PLG: variants seen among roughly 807,000 people sequenced by gnomAD.
PLG encodes plasminogen, also known as plasmin.
Under a neutral mutation model 104.4 loss-of-function variants are expected in PLG, and 41 were observed. That is an observed-to-expected ratio of 0.39 (90% CI 0.31 to 0.51). The LOEUF (loss-of-function observed/expected upper bound fraction) is 0.51, where lower values mean the gene tolerates loss of function less well. PLG is among the 20% of genes least tolerant of loss of function. PLG has a pLI of 0.76. For synonymous variants in PLG, 337 were observed against 357.1 expected (o/e 0.94, Z 0.63); for missense variants, 891 against 1,003.6 (o/e 0.89, Z 1.52).
At chr6:160,729,582 G>A (rs2115172260) in intron 10 of PLG, among the ~76,000 whole-genome samples, 1 of 152,302 alleles carries the variant, frequency 6.6e-6, no homozygotes, top group South Asian at 2.1e-4. Flanking sequence ...CTCTCAAATA[G>A]GATGGATGGA....
chr6:160,752,692 A>AC lies in PLG; in HGVS notation c.2272-202dup, dbSNP rs1196265561. Among the ~76,000 whole-genome samples, 3 of 152,046 alleles carry AC rather than the reference A, an allele frequency of 2.0e-5. No individual in the cohort carries two copies. Among genetic ancestry groups the AC allele is most frequent in the Non-Finnish European group, 2.9e-5 (2 of 67,994 alleles). ...GCAGGATTCACAAAAGATCTTTTCT[A>AC]CCCCCCGGAAAAACTAAGTGGTGTG... On this transcript the variant is annotated intron_variant, in intron 18 of 18. Transcript: ENST00000308192. This position sits in a 1 kb window ranked among gnomAD's most constrained non-coding sequence, Gnocchi z 4.7.
chr6:160,742,728 A>G (rs572830765), intron 17 of PLG, among the ~76,000 whole-genome samples: 8 of 152,192 alleles, frequency 5.3e-5, no homozygotes, highest in African/African-American at 1.7e-4. Flanking sequence ...GCCCGTTCCT[A>G]TGTCCAGGAT....
intron 1 of PLG, chr6:160,705,366 C>G (rs887272581): frequency 6.6e-6 from 1 of 151,572 alleles, no homozygotes; most frequent in Non-Finnish European, 1.5e-5. Flanking sequence ...CAGAAAGCAG[C>G]TTTCGGACAG....
At chr6:160,706,014 T>G (rs1777514913) in intron 1 of PLG, 1 of 222,886 alleles carries the variant, frequency 4.5e-6, no homozygotes, top group Non-Finnish European at 9.0e-6. Flanking sequence ...TTTCTTTGTT[T>G]TATAATTTCA....
rs1418857472 is a variant in PLG, at chr6:160,719,543, A to G, written c.1096+705A>G. Among the ~76,000 whole-genome samples the G allele has an allele frequency of 6.6e-6, 1 of 152,214 alleles. No individual in the cohort carries two copies. Among genetic ancestry groups the G allele is most frequent in the East Asian group, 1.9e-4 (1 of 5,198 alleles). On this transcript the variant is annotated intron_variant, in intron 9 of 18. Coordinates refer to ENST00000308192, the MANE Select transcript of PLG (RefSeq NM_000301.5). The surrounding 1 kb of genome is among the most constrained non-coding windows in gnomAD (Gnocchi z 4.1). Reference sequence around the variant, plus strand: ...CAATTGTTAATAGAGTTGAATTTACATCTACCATCAAGTTAGTTATTTCTC... The same window carrying G: ...CAATTGTTAATAGAGTTGAATTTACGTCTACCATCAAGTTAGTTATTTCTC...
intron 10 of PLG, among the ~76,000 whole-genome samples, chr6:160,727,118 T>C (rs1425833921): frequency 6.6e-6 from 1 of 151,926 alleles, no homozygotes; most frequent in East Asian, 1.9e-4. Flanking sequence ...ATCTTTTTGA[T>C]ATTAAAGCTA....
chr6:160,752,279 A>T lies in PLG; in HGVS notation c.2271+19A>T. Reference sequence around the variant, plus strand: ...TTGCCAGGTAAGCAAAGATCAAGAGACCAAAGTTAGTCTTGTGCTCTCTTG... The same window carrying T: ...TTGCCAGGTAAGCAAAGATCAAGAGTCCAAAGTTAGTCTTGTGCTCTCTTG... On this transcript the variant is annotated intron_variant, in intron 18 of 18. Coordinates refer to ENST00000308192, the MANE Select transcript of PLG (RefSeq NM_000301.5). This position sits in a 1 kb window ranked among gnomAD's most constrained non-coding sequence, Gnocchi z 4.7. 1 of 1,611,240 alleles carries T rather than the reference A, an allele frequency of 6.2e-7. No homozygotes were observed. The highest frequency in any genetic ancestry group is 8.5e-7 in the Non-Finnish European group (1 of 1,177,450).
At chr6:160,728,416 A>T (rs866938449) in intron 10 of PLG, among the ~76,000 whole-genome samples, 38 of 152,300 alleles carry the variant, frequency 2.5e-4, no homozygotes, top group African/African-American at 7.2e-4. Flanking sequence ...CGTTTTTTTT[A>T]AAAAATGTGA....
chr6:160,729,695 A>G (rs2115172337), intron 10 of PLG, among the ~76,000 whole-genome samples: 1 of 152,350 alleles, frequency 6.6e-6, no homozygotes. Flanking sequence ...TCTTTAGTGA[A>G]GGAAACCAAT....
At chr6:160,715,016 A>C in intron 6 of PLG, 102 bp downstream of exon 6, 1 of 1,178,584 alleles carries the variant, frequency 8.5e-7, no homozygotes, top group South Asian at 1.3e-5. Flanking sequence ...CAAGAAGTGA[A>C]CGCCTGATGT....
chr6:160,743,446 T>C (rs1426528398), intron 17 of PLG, among the ~76,000 whole-genome samples: 1 of 152,216 alleles, frequency 6.6e-6, no homozygotes, highest in Non-Finnish European at 1.5e-5. Context: ...GTGTTCCTGA[T>C]TTGCCTCTGG....
chr6:160,752,004 G>A lies in PLG; in HGVS notation c.2126-111G>A, dbSNP rs934325978. 1.3e-5 allele frequency: 12 copies of A among 898,122 alleles called. No individual in the cohort carries two copies. The highest frequency in any genetic ancestry group is 3.2e-4 in the Middle Eastern group (1 of 3,128). The allele number at this position is 898,122 out of a possible 1,614,324, so 55.6% of individuals were successfully genotyped here. On this transcript the variant is annotated intron_variant, in intron 17 of 18. Transcript: ENST00000308192. The surrounding 1 kb of genome is among the most constrained non-coding windows in gnomAD (Gnocchi z 4.7). ...CTCCAGCGGCATTGGGAGCTGCCTC[G>A]TGTTCTGCAGCCTCACAGACAGGAG...
chr6:160,705,093 C>A (rs532330331), intron 1 of PLG, among the ~76,000 whole-genome samples: 1 of 152,304 alleles, frequency 6.6e-6, no homozygotes, highest in South Asian at 2.1e-4. Context: ...CCCCACCACG[C>A]CCCTCAAAGT....
chr6:160,702,346 G>C lies in PLG; in HGVS notation c.42G>C (p.Leu14=), dbSNP rs750008400. The change falls in exon 1 of 19, where the codon CTG becomes CTC. Residue 14 remains leucine (L), a synonymous_variant. Coordinates refer to ENST00000308192, the MANE Select transcript of PLG (RefSeq NM_000301.5). The stretch of plus-strand genomic sequence containing the variant: ...TGGTTCTTCTACTTCTTTTATTTCT[G>C]AAATCAGGTAAGACATAGTTTTTTT... ...KEVVLLLLLF[L]KSGQGEPLDD... is the part of the protein sequence containing the mutation. 4.2e-5 allele frequency: 67 copies of C among 1,607,530 alleles called. No homozygotes were observed. Among genetic ancestry groups the C allele is most frequent in the Non-Finnish European group, 5.6e-5 (66 of 1,178,128 alleles).
chr6:160,706,074 C>A (rs118127759), intron 1 of PLG: 4 of 331,778 alleles, frequency 1.2e-5, no homozygotes, highest in Admixed American at 8.9e-5. Flanking sequence ...AACTAAATTG[C>A]GTGACACTGA....
At chr6:160,705,234 T>C (rs1777497112) in intron 1 of PLG, among the ~76,000 whole-genome samples, 1 of 152,202 alleles carries the variant, frequency 6.6e-6, no homozygotes, top group African/African-American at 2.4e-5. Context: ...TCTCCAGGCT[T>C]GGAATAGAGC....
intron 3 of PLG, chr6:160,708,014 G>C (rs1777564539): frequency 3.8e-6 from 2 of 521,726 alleles, no homozygotes; most frequent in Non-Finnish European, 7.1e-6. Flanking sequence ...AATTTTTTTT[G>C]TTCAAAAGAT....
Position 160,711,546 on chromosome 6 carries a change from T to A in PLG, c.407+355T>A, listed in dbSNP as rs4252084. ...GCCAACTGTATTTAGGATAATTTCA[T>A]CACTTTTAATTCAAACCACAATATG... On this transcript the variant is annotated intron_variant, in intron 4 of 18. Coordinates refer to ENST00000308192, the MANE Select transcript of PLG (RefSeq NM_000301.5). 431 of 1,597,082 alleles carry A rather than the reference T, an allele frequency of 2.7e-4. No homozygotes were observed. The African/African-American group carries it at 5.4e-3, about 20-fold the overall frequency.
At chr6:160,722,250 A>C (rs1293721249) in intron 9 of PLG, among the ~76,000 whole-genome samples, 158 bp from the exon 10 acceptor site, 2 of 152,198 alleles carry the variant, frequency 1.3e-5, no homozygotes, top group Non-Finnish European at 2.9e-5. Flanking sequence ...AATGTTCTAA[A>C]ATGCTATAAA....
Sources: gnomAD v4.1 joint callset for allele counts (sites outside exome capture counted in the v4.1 genomes callset) on GRCh38, gnomAD v4.1.1 for gene constraint, Gnocchi (gnomAD v3.1) non-coding constraint, MANE v1.5 for transcripts, NCBI Gene and HGNC (gene_info 2026-07-23, HGNC 2026-07-21) for gene names.